PPM1A: variants seen among roughly 807,000 people sequenced by gnomAD.
PPM1A encodes the protein protein phosphatase 1A.
A neutral mutation model predicts 35.0 loss-of-function variants in PPM1A; 7 were observed. The observed-to-expected ratio is 0.20, with a 90% CI of 0.11 to 0.38. The LOEUF (loss-of-function observed/expected upper bound fraction) is 0.38. Ranked by LOEUF, PPM1A falls within the 10% of genes least tolerant of loss-of-function variation. The pLI, the probability that PPM1A is intolerant of heterozygous loss-of-function variation, is 1.00. For missense variants in PPM1A, 239 were observed against 467.8 expected, an observed-to-expected ratio of 0.51 and a Z score of 4.51; for synonymous variants, 153 against 167.3, an observed-to-expected ratio of 0.91 and a Z score of 0.66.
chr14:60,275,602 T>G (rs1015107986), intron 1 of PPM1A, among the ~76,000 whole-genome samples: 2 of 152,164 alleles, frequency 1.3e-5, no homozygotes, highest in African/African-American at 4.8e-5. Flanking sequence ...TCCTCCTTCC[T>G]CAGCCTCCTG....
At chr14:60,245,855 G>A (rs1353087221), upstream of PPM1A, 7 of 1,591,816 alleles carry the variant, frequency 4.4e-6, no homozygotes, top group Middle Eastern at 3.3e-4. This position sits in a 1 kb window ranked among gnomAD's most constrained non-coding sequence, Gnocchi z 4.2. Context: ...CGCATGTTCT[G>A]TTCTGGGAGA....
chr14:60,256,752 A>G (rs1040550934), intron 1 of PPM1A: 4 of 152,238 alleles, frequency 2.6e-5, no homozygotes, highest in African/African-American at 9.6e-5. Flanking sequence ...GGAAATTTGA[A>G]ACAGAGCAGT....
chr14:60,288,585 A>C (rs1887281901), intron 3 of PPM1A: 1 of 974,632 alleles, frequency 1.0e-6, no homozygotes, highest in Non-Finnish European at 1.2e-6. Flanking sequence ...GTTCAGATTT[A>C]AGACTGTTTT....
chr14:60,267,247 T>C (rs1038341848), intron 1 of PPM1A: 3 of 152,148 alleles, frequency 2.0e-5, no homozygotes, highest in African/African-American at 7.2e-5. Flanking sequence ...TCTTTTTTCT[T>C]TCCTGGGAAT....
rs1280272466 is a variant in PPM1A, at chr14:60,298,768, AATAAT to A, written c.*6292_*6296del. 2 of 151,870 alleles carry A rather than the reference AATAAT, an allele frequency of 1.3e-5. No homozygotes were observed. The highest frequency in any genetic ancestry group is 2.4e-5 in the African/African-American group (1 of 41,434). The allele number at this position is 151,870 out of a possible 1,614,324, so 9.4% of individuals were successfully genotyped here. On this transcript the variant is annotated 3_prime_UTR_variant, in exon 6 of 6. Coordinates refer to ENST00000395076, the MANE Select transcript of PPM1A (RefSeq NM_021003.5). ...TTTTTTAAACTCTATAAATGTTAAG[AATAAT>A]ATAATTGCAGAAATATTTTTCTTAA...
In PPM1A at chr14:60,297,847, A is replaced by G. The variant is rs1888171619; in HGVS notation, c.*5365A>G. ...TTACCCAGGAAAATGCGTATATAACATACATATCTCCCTAAAGTTTACAAT... is the reference window on the plus strand; with the variant it reads ...TTACCCAGGAAAATGCGTATATAACGTACATATCTCCCTAAAGTTTACAAT... On this transcript the variant is annotated 3_prime_UTR_variant, in exon 6 of 6. Coordinates refer to ENST00000395076, the MANE Select transcript of PPM1A (RefSeq NM_021003.5). 6.6e-6 allele frequency: 1 copy of G among 151,610 alleles called. No homozygotes were observed. The highest frequency in any genetic ancestry group is 6.6e-5 in the Admixed American group (1 of 15,204). 9.4% of individuals were successfully genotyped at this position (151,610 alleles called of 1,614,324 possible).
chr14:60,258,945 G>A (rs1056506489), intron 1 of PPM1A, among the ~76,000 whole-genome samples: 1 of 152,124 alleles, frequency 6.6e-6, no homozygotes, highest in African/African-American at 2.4e-5. Flanking sequence ...TATGACTAAG[G>A]ATAGATCTGT....
upstream of PPM1A, chr14:60,249,205 T>TA (rs2088451836): frequency 1.0e-6 from 1 of 985,634 alleles, no homozygotes; most frequent in South Asian, 4.5e-5. The surrounding 1 kb of genome is among the most constrained non-coding windows in gnomAD (Gnocchi z 4.5). Context: ...TGAGCGCGCC[T>TA]GCGCGGGGCC....
intron 1 of PPM1A, among the ~76,000 whole-genome samples, chr14:60,257,724 G>C (rs1218481304): frequency 6.6e-6 from 1 of 152,024 alleles, no homozygotes; most frequent in Non-Finnish European, 1.5e-5. Context: ...TCATAATTTG[G>C]TACTGTGTGT....
intron 1 of PPM1A, among the ~76,000 whole-genome samples, chr14:60,262,929 A>G (rs900527229): frequency 5.9e-5 from 9 of 152,172 alleles, no homozygotes; most frequent in Non-Finnish European, 1.2e-4. Flanking sequence ...ATTGACATGA[A>G]TAGTTCCTGG....
At chr14:60,278,464 TA>T (rs1886019168) in intron 1 of PPM1A, among the ~76,000 whole-genome samples, 1 of 152,120 alleles carries the variant, frequency 6.6e-6, no homozygotes, top group Non-Finnish European at 1.5e-5. Flanking sequence ...ATTATGTTCC[TA>T]AATTCCCTCT....
At position 60,285,680 on chromosome 14, in the gene PPM1A, A is replaced by G. The variant is rs1886935606; in HGVS notation, c.891A>G (p.Val297=). ...TCTGTTTTCCAAATGCACCCAAAGTATCGCCAGAAGCAGTGAAGAAGGAGG... is the reference window on the plus strand; with the variant it reads ...TCTGTTTTCCAAATGCACCCAAAGTGTCGCCAGAAGCAGTGAAGAAGGAGG... The part of the protein sequence containing the change: ...ILICFPNAPK[V]SPEAVKKEAE... Residue 297 remains valine, a synonymous_variant, in exon 3 of 6, where the codon GTA becomes GTG. Transcript: ENST00000395076. The G allele has an allele frequency of 6.2e-7, 1 of 1,614,128 alleles. No individual in the cohort carries two copies.
At chr14:60,250,651 T>G (rs1027798605) in intron 1 of PPM1A, among the ~76,000 whole-genome samples, 10 of 152,118 alleles carry the variant, frequency 6.6e-5, no homozygotes, top group African/African-American at 9.6e-5. Flanking sequence ...GTATGAGAGA[T>G]AGGTATCATT....
intron 3 of PPM1A, chr14:60,288,526 T>C: frequency 1.0e-6 from 1 of 984,340 alleles, no homozygotes; most frequent in Non-Finnish European, 1.2e-6. Flanking sequence ...ATGTTAAAGA[T>C]TACACAATAA....
chr14:60,245,874 A>G (rs201595561), upstream of PPM1A: 1,243 of 1,592,512 alleles, frequency 7.8e-4, 15 homozygotes, highest in South Asian at 8.8e-3. The surrounding 1 kb of genome is among the most constrained non-coding windows in gnomAD (Gnocchi z 4.2). Context: ...GAAAATGGGT[A>G]GCAGAAGCTA....
At chr14:60,266,061 A>C (rs1884339273) in intron 1 of PPM1A, among the ~76,000 whole-genome samples, 1 of 152,216 alleles carries the variant, frequency 6.6e-6, no homozygotes, top group African/African-American at 2.4e-5. Flanking sequence ...TTCCTTTGCC[A>C]ATATTGGGTG....
intron 1 of PPM1A, among the ~76,000 whole-genome samples, chr14:60,278,930 C>A (rs941332138): frequency 1.3e-5 from 2 of 152,138 alleles, no homozygotes; most frequent in Non-Finnish European, 2.9e-5. Context: ...CCAAAAAGAT[C>A]ATTGAATATG....
chr14:60,281,988 C>T (rs8011957), intron 1 of PPM1A, among the ~76,000 whole-genome samples: 1,935 of 152,256 alleles, frequency 0.013, 46 homozygotes, highest in African/African-American at 0.044. Context: ...GAGGCTACAA[C>T]ATTTACAGTA....
chr14:60,268,548 T>G, intron 1 of PPM1A: 1 of 278,058 alleles, frequency 3.6e-6, no homozygotes, highest in Non-Finnish European at 5.4e-6. Context: ...TTTTACGTAA[T>G]ATATTCCTTC....
Sources: allele counts gnomAD v4.1 joint callset (sites outside exome capture counted in the v4.1 genomes callset), GRCh38; gene constraint gnomAD v4.1.1; non-coding constraint Gnocchi (gnomAD v3.1); transcripts MANE v1.5; gene names NCBI Gene and HGNC (gene_info 2026-07-23, HGNC 2026-07-21).